The following ABCB8 variants were observed in gnomAD, a reference collection of about 807,000 sequenced individuals.
ABCB8 encodes ATP binding cassette subfamily B member 8.
In ABCB8, 52 loss-of-function variants were observed where a neutral mutation model predicts 73.0. The observed-to-expected ratio is 0.71, with a 90% CI of 0.57 to 0.90. The LOEUF (loss-of-function observed/expected upper bound fraction) is 0.90. ABCB8 is among the 40% of genes least tolerant of loss of function. ABCB8 has a pLI of 0.00. For missense variants in ABCB8, 909 were observed against 974.6 expected (o/e 0.93, Z 0.90); for synonymous variants, 428 against 423.5 (o/e 1.01, Z -0.13).
intron 8 of ABCB8, among the ~76,000 whole-genome samples, 182 bp from the exon 9 acceptor site, chr7:151,036,362 C>T (rs946169873): frequency 1.3e-5 from 2 of 152,216 alleles, no homozygotes; most frequent in African/African-American, 4.8e-5. Flanking sequence ...TGGAACGCTA[C>T]AGGGCCACCC....
At chr7:151,030,668 G>A (rs888181165) in intron 1 of ABCB8, among the ~76,000 whole-genome samples, 3 of 150,700 alleles carry the variant, frequency 2.0e-5, no homozygotes, top group Non-Finnish European at 3.0e-5. Context: ...AGCCGGGTGC[G>A]TTGGCTCACG....
At chr7:151,034,869 C>T in intron 5 of ABCB8, 40 bp downstream of exon 5, 1 of 1,550,736 alleles carries the variant, frequency 6.4e-7, no homozygotes, top group Non-Finnish European at 8.9e-7. Context: ...CACACACACA[C>T]TTTCCCATGT....
intron 15 of ABCB8, 57 bp downstream of exon 15, chr7:151,044,278 T>A: frequency 6.4e-7 from 1 of 1,569,866 alleles, no homozygotes; most frequent in Non-Finnish European, 8.7e-7. Flanking sequence ...TCACGGACAG[T>A]GGCACAATGC....
chr7:151,042,726 C>T (rs1391455471), intron 14 of ABCB8, among the ~76,000 whole-genome samples: 1 of 152,220 alleles, frequency 6.6e-6, no homozygotes, highest in Middle Eastern at 3.2e-3. Flanking sequence ...AGTGTCTTGG[C>T]TCTGTTGCAC....
rs1241954518 is a variant in ABCB8, at chr7:151,028,505, A to G, written c.-11A>G. 6.2e-7 allele frequency: 1 copy of G among 1,611,392 alleles called. No homozygotes were observed. Among genetic ancestry groups the G allele is most frequent in the South Asian group, 1.1e-5 (1 of 90,574 alleles). ...TGCTATTGCCGGCGGCTCCTGTTTT[A>G]CCGCGTCAGCATGCTGGTGCATTTA... On this transcript the variant is annotated 5_prime_UTR_variant, in exon 1 of 16. Coordinates refer to ENST00000358849, the MANE Select transcript of ABCB8 (RefSeq NM_007188.5).
chr7:151,040,239 A>G (rs1305165892), intron 9 of ABCB8, 29 bp from the exon 10 acceptor site: 8 of 1,608,528 alleles, frequency 5.0e-6, no homozygotes, highest in Admixed American at 3.4e-5. Context: ...GTTCCCATCT[A>G]TTCCACCCCT....
Position 151,033,389 on chromosome 7 carries a change from A to G in ABCB8, c.96-216A>G, listed in dbSNP as rs1313436539. 2.9e-6 allele frequency: 4 copies of G among 1,388,224 alleles called. No homozygotes were observed. The East Asian group carries it at 1.0e-4, about 36-fold the overall frequency. The allele number at this position is 1,388,224 out of a possible 1,614,324, so 86.0% of individuals were successfully genotyped here. A position where few individuals can be genotyped will look rare whatever the true frequency, so the allele number is the denominator to read the frequency against. On this transcript the variant is annotated intron_variant, in intron 1 of 15. Transcript: ENST00000358849. The stretch of plus-strand genomic sequence containing the variant: ...AGGGGAATAAGACTTTTAAGACTAG[A>G]TTTTGTGCTCAGTGCCTCATTCCTC...
At chr7:151,030,470 G>A (rs1203020976) in intron 1 of ABCB8, among the ~76,000 whole-genome samples, 2 of 151,276 alleles carry the variant, frequency 1.3e-5, no homozygotes, top group African/African-American at 4.9e-5. Flanking sequence ...AGCCGAGATT[G>A]TGCCATTGCG....
Position 151,035,901 on chromosome 7 carries a change from T to TA in ABCB8, c.948dup (p.Ala317SerfsTer114). 6.2e-7 allele frequency: 1 copy of TA among 1,613,654 alleles called. No homozygotes were observed. On this transcript the variant is annotated frameshift_variant, in exon 7 of 16. Transcript: ENST00000358849. LOFTEE classifies it high-confidence loss of function. ...TTGCAGATCGCCAGGGCAATGGGCGTAGCAGACGAGGCCCTGGGCAATGTG... is the reference window on the plus strand; with the variant it reads ...TTGCAGATCGCCAGGGCAATGGGCGTAAGCAGACGAGGCCCTGGGCAATGTG...
At chr7:151,036,248 C>A in intron 8 of ABCB8, 78 bp downstream of exon 8, 1 of 1,389,820 alleles carries the variant, frequency 7.2e-7, no homozygotes, top group Non-Finnish European at 9.8e-7. Context: ...AGGCAAAGGC[C>A]CTCCCTTCAT....
intron 1 of ABCB8, chr7:151,029,503 CTTTTCTT>C (rs777617673): frequency 3.1e-4 from 34 of 108,588 alleles, no homozygotes; most frequent in African/African-American, 1.1e-3. Context: ...CTTTTCTTTT[CTTTTCTT>C]TTTTTTTTTT....
intron 1 of ABCB8, among the ~76,000 whole-genome samples, chr7:151,032,369 C>T (rs1213896806): frequency 1.3e-5 from 2 of 152,216 alleles, no homozygotes; most frequent in African/African-American, 4.8e-5. Context: ...CTCCATAACT[C>T]CGAGCAGAGC....
In ABCB8 at chr7:151,034,374, C is replaced by A; in HGVS notation, c.510C>A (p.Phe170Leu). 6.2e-7 allele frequency: 1 copy of A among 1,614,018 alleles called. No homozygotes were observed. Among genetic ancestry groups the A allele is most frequent in the Non-Finnish European group, 8.5e-7 (1 of 1,180,004 alleles). ...AKYTRDHVGS[F>L]MTESQNLSTH... Reference sequence around the variant, plus strand: ...ACACAAGGGACCACGTAGGGAGTTTCATGACTGAGTCCCAGAATCTCAGCA... The same window carrying A: ...ACACAAGGGACCACGTAGGGAGTTTAATGACTGAGTCCCAGAATCTCAGCA... The change falls in exon 3 of 16, where the codon TTC (phenylalanine) becomes TTA (leucine). Residue 170 changes from phenylalanine (F) to leucine (L), a missense_variant. Transcript: ENST00000358849.
rs1271112125 is a variant in ABCB8 at position 151,033,791 on chromosome 7, C to G, written c.282C>G (p.Ala94=). ...AGCATCCCCACCTCTGCCTTGTGGC[C>G]CTGTGTGAGGCAGAAGAGGCCCCTC... ...LSKHPHLCLV[A]LCEAEEAPPA... Residue 94 remains alanine (A), a synonymous_variant, in exon 2 of 16, where the codon GCC becomes GCG. Transcript: ENST00000358849. 6.2e-7 allele frequency: 1 copy of G among 1,614,038 alleles called. No individual in the cohort carries two copies. Among genetic ancestry groups the G allele is most frequent in the Non-Finnish European group, 8.5e-7 (1 of 1,179,982 alleles).
chr7:151,044,195 G>T lies in ABCB8; in HGVS notation c.1990G>T (p.Val664Phe). Residue 664 changes from valine (V) to phenylalanine (F), a missense_variant, in exon 15 of 16, where the codon GTC becomes TTC. By Grantham distance (50) the Val-to-Phe change is conservative. Transcript: ENST00000358849. Reference sequence around the variant, plus strand: ...TGTCCGTGGGGCCCACTGCATTGTCGTCATGGCCGATGGCCGTGTCTGGGA... The same window carrying T: ...TGTCCGTGGGGCCCACTGCATTGTCTTCATGGCCGATGGCCGTGTCTGGGA... ...STVRGAHCIVVMADGRVWEAG... is the reference protein window; with the variant it reads ...STVRGAHCIVFMADGRVWEAG... The T allele has an allele frequency of 6.2e-7, 1 of 1,602,206 alleles. No individual in the cohort carries two copies. The highest frequency in any genetic ancestry group is 8.5e-7 in the Non-Finnish European group (1 of 1,170,140).
intron 8 of ABCB8, 120 bp downstream of exon 8, chr7:151,036,290 C>A: frequency 9.4e-7 from 1 of 1,066,988 alleles, no homozygotes; most frequent in Non-Finnish European, 1.3e-6. Flanking sequence ...CTCGGGCCAG[C>A]TGCTAACTCT....
In ABCB8 at chr7:151,040,586, C is replaced by G. The variant is rs200904308; in HGVS notation, c.1340C>G (p.Pro447Arg). ...CIPLSGGCCV[P>R]KEQLRGSVTF... ...CCACTGTCTGGGGGCTGCTGCGTCCCCAAAGAGCAGCTGCGTGGCTCCGTT... is the reference window on the plus strand; with the variant it reads ...CCACTGTCTGGGGGCTGCTGCGTCCGCAAAGAGCAGCTGCGTGGCTCCGTT... Residue 447 changes from proline to arginine, a missense_variant, in exon 11 of 16, where the codon CCC becomes CGC. Pro to Arg is a moderately radical substitution (Grantham distance 103). Transcript: ENST00000358849. 7.9e-5 allele frequency: 128 copies of G among 1,613,326 alleles called. 1 individual carries two copies. In the Middle Eastern group the frequency reaches 1.3e-3, roughly 17 times the overall value.
chr7:151,045,375 T>C lies in ABCB8; in HGVS notation c.*26T>C. The C allele has an allele frequency of 2.0e-6, 3 of 1,500,860 alleles. No individual in the cohort carries two copies. Among genetic ancestry groups the C allele is most frequent in the South Asian group, 2.6e-5 (2 of 75,926 alleles). 93.0% of individuals were successfully genotyped at this position (1,500,860 alleles called of 1,614,324 possible). On this transcript the variant is annotated 3_prime_UTR_variant, in exon 16 of 16. Coordinates refer to ENST00000358849, the MANE Select transcript of ABCB8 (RefSeq NM_007188.5). ...GAAGGGCCCCCTGAGGTGTGGTCGCTGCCAAGCATCAGTGTTAGGGCTGGG... is the reference window on the plus strand; with the variant it reads ...GAAGGGCCCCCTGAGGTGTGGTCGCCGCCAAGCATCAGTGTTAGGGCTGGG...
intron 1 of ABCB8, chr7:151,028,933 A>C: frequency 5.9e-6 from 8 of 1,356,794 alleles, no homozygotes; most frequent in Non-Finnish European, 6.8e-6. Context: ...ATTTGGACGA[A>C]AATTCTTATT....
Sources: allele counts gnomAD v4.1 joint callset (sites outside exome capture counted in the v4.1 genomes callset), GRCh38; gene constraint gnomAD v4.1.1; transcripts MANE v1.5; gene names NCBI Gene and HGNC (gene_info 2026-07-23, HGNC 2026-07-21).